PTPRT: variants seen among roughly 807,000 people sequenced by gnomAD.
The protein encoded by PTPRT is protein tyrosine phosphatase receptor type T.
In PTPRT, 56 loss-of-function variants were observed where a neutral mutation model predicts 176.8. That is an observed-to-expected ratio of 0.32 (90% CI 0.26 to 0.40). The LOEUF (loss-of-function observed/expected upper bound fraction) is 0.40. Among genes scored for constraint, PTPRT ranks in the 10% least tolerant of loss-of-function variants. PTPRT has a pLI of 1.00. For missense variants in PTPRT, 1,540 were observed against 1,908.2 expected, an observed-to-expected ratio of 0.81 and a Z score of 3.60; for synonymous variants, 783 against 739.0, an observed-to-expected ratio of 1.06 and a Z score of -0.96.
At chr20:42,467,343 T>TCTAAGTGAC (rs1488125650) in intron 8 of PTPRT, among the ~76,000 whole-genome samples, 1 of 152,164 alleles carries the variant, frequency 6.6e-6, no homozygotes, top group African/African-American at 2.4e-5. Context: ...TCTTGTCTTA[T>TCTAAGTGAC]CTAAGTGACC....
intron 2 of PTPRT, among the ~76,000 whole-genome samples, chr20:42,798,224 C>T (rs1035713013): frequency 1.3e-5 from 2 of 152,186 alleles, no homozygotes; most frequent in Non-Finnish European, 2.9e-5. Context: ...ACAGGCACTT[C>T]TGAATTGTTG....
chr20:42,143,343 C>A (rs2146423118), intron 17 of PTPRT, among the ~76,000 whole-genome samples: 1 of 152,080 alleles, frequency 6.6e-6, no homozygotes, highest in East Asian at 1.9e-4. Context: ...ATCACGAGGT[C>A]AGGAGATCAA....
intron 7 of PTPRT, among the ~76,000 whole-genome samples, chr20:42,641,948 T>A (rs1192502171): frequency 6.6e-6 from 1 of 152,162 alleles, no homozygotes; most frequent in Non-Finnish European, 1.5e-5. Flanking sequence ...AGGACCCAGA[T>A]ACCTGTCTCA....
At chr20:42,865,125 G>T (rs895664069) in intron 2 of PTPRT, among the ~76,000 whole-genome samples, 1 of 152,140 alleles carries the variant, frequency 6.6e-6, no homozygotes, top group Admixed American at 6.5e-5. Flanking sequence ...GTGGTCCCTG[G>T]TTGCAGTAAT....
At chr20:42,139,273 A>T (rs1988514784) in intron 18 of PTPRT, among the ~76,000 whole-genome samples, 1 of 152,148 alleles carries the variant, frequency 6.6e-6, no homozygotes, top group Non-Finnish European at 1.5e-5. Context: ...ATTAGAAAGG[A>T]GATTCTGGTT....
chr20:42,213,812 C>G (rs1251157433), intron 15 of PTPRT, among the ~76,000 whole-genome samples: 5 of 152,146 alleles, frequency 3.3e-5, no homozygotes, highest in Admixed American at 6.5e-5. Flanking sequence ...AGCCTGACCC[C>G]TCCAACACCT....
At chr20:42,340,779 G>A (rs1026657252) in intron 11 of PTPRT, among the ~76,000 whole-genome samples, 2 of 151,908 alleles carry the variant, frequency 1.3e-5, no homozygotes, top group African/African-American at 4.8e-5. Flanking sequence ...CAAGATCTGA[G>A]ACAAAGCAGC....
At chr20:42,961,718 G>C (rs1206872976) in intron 1 of PTPRT, among the ~76,000 whole-genome samples, 1 of 152,106 alleles carries the variant, frequency 6.6e-6, no homozygotes. Context: ...AAAAATAAGT[G>C]TCCACATTCT....
At chr20:42,372,601 T>A (rs2145604313) in intron 9 of PTPRT, among the ~76,000 whole-genome samples, 1 of 152,250 alleles carries the variant, frequency 6.6e-6, no homozygotes, top group Non-Finnish European at 1.5e-5. Context: ...TTCCCGATTC[T>A]GATAAAGGGT....
intron 1 of PTPRT, among the ~76,000 whole-genome samples, chr20:43,091,126 G>T (rs73265838): frequency 2.0e-4 from 31 of 152,210 alleles, no homozygotes; most frequent in African/African-American, 7.2e-4. Context: ...CCAGCTACTG[G>T]GGAGGCTGAG....
intron 6 of PTPRT, chr20:42,688,235 G>A (rs781747570): frequency 3.9e-5 from 6 of 152,148 alleles, no homozygotes; most frequent in Non-Finnish European, 8.8e-5. Context: ...GGGCTGCTAC[G>A]CTCCAGGCCT....
At chr20:42,492,134 A>G (rs1440032446) in intron 7 of PTPRT, among the ~76,000 whole-genome samples, 1 of 152,162 alleles carries the variant, frequency 6.6e-6, no homozygotes, top group Non-Finnish European at 1.5e-5. Context: ...ATTGTGAGTA[A>G]ATCTGCTATG....
intron 7 of PTPRT, among the ~76,000 whole-genome samples, chr20:42,613,332 C>A (rs1220781157): frequency 1.3e-5 from 2 of 152,192 alleles, no homozygotes; most frequent in African/African-American, 4.8e-5. Context: ...TATTTTGTTC[C>A]ATTAAAAAGC....
chr20:42,125,805 A>G (rs1329586872), intron 19 of PTPRT, among the ~76,000 whole-genome samples: 8 of 152,154 alleles, frequency 5.3e-5, no homozygotes, highest in African/African-American at 1.9e-4. Context: ...GTGAGTGCCT[A>G]TCTAGGAAAA....
intron 2 of PTPRT, among the ~76,000 whole-genome samples, chr20:42,853,924 C>T (rs1003378890): frequency 1.3e-5 from 2 of 152,182 alleles, no homozygotes; most frequent in Non-Finnish European, 1.5e-5. Context: ...AACCCCGTGG[C>T]TGAGCAAATC....
At chr20:42,199,707 C>T (rs1991374222) in intron 15 of PTPRT, among the ~76,000 whole-genome samples, 1 of 152,162 alleles carries the variant, frequency 6.6e-6, no homozygotes, top group Non-Finnish European at 1.5e-5. Flanking sequence ...TTCCCTAAGT[C>T]TCCTTTCAGA....
intron 7 of PTPRT, among the ~76,000 whole-genome samples, chr20:42,619,897 T>C (rs1308939347): frequency 7.0e-6 from 1 of 143,126 alleles, no homozygotes; most frequent in Non-Finnish European, 1.5e-5. Flanking sequence ...TGTCCTCCCG[T>C]AGCTCAGAGT....
At chr20:43,127,999 C>A (rs551563092) in intron 1 of PTPRT, among the ~76,000 whole-genome samples, 2 of 152,218 alleles carry the variant, frequency 1.3e-5, no homozygotes, top group South Asian at 4.1e-4. Context: ...TGACAACTGC[C>A]ATGGAATAAT....
intron 1 of PTPRT, among the ~76,000 whole-genome samples, chr20:42,909,804 CA>C (rs2079522187): frequency 6.6e-6 from 1 of 152,170 alleles, no homozygotes; most frequent in Admixed American, 6.5e-5. Context: ...TGCTTTCACA[CA>C]AGCATGTTGG....
Sources: gnomAD v4.1 joint callset for allele counts (sites outside exome capture counted in the v4.1 genomes callset) on GRCh38, gnomAD v4.1.1 for gene constraint, MANE v1.5 for transcripts, NCBI Gene and HGNC (gene_info 2026-07-23, HGNC 2026-07-21) for gene names.